Variants in SLC14A2 observed in about 807,000 individuals in gnomAD.
SLC14A2 encodes urea transporter 2.
In SLC14A2, 91 loss-of-function variants were observed where a neutral mutation model predicts 104.6. That is an observed-to-expected ratio of 0.87 (90% CI 0.73 to 1.04). The LOEUF (loss-of-function observed/expected upper bound fraction) is 1.04. SLC14A2 is among the 50% of genes least tolerant of loss of function. The pLI is 0.00. For synonymous variants in SLC14A2, 476 were observed against 466.4 expected (o/e 1.02, Z -0.27); for missense variants, 1,189 against 1,156.0 (o/e 1.03, Z -0.41).
rs991140363 is a variant in SLC14A2, at chr18:45,357,002, G to A, written c.-124-126231G>A. Among the ~76,000 whole-genome samples the A allele has an allele frequency of 3.9e-5, 6 of 152,238 alleles. No individual in the cohort carries two copies. The South Asian group carries it at 6.2e-4, about 16-fold the overall frequency. On this transcript the variant is annotated intron_variant, in intron 1 of 20. Transcript: ENST00000586448. ...GAAGGATGATGCAGCAGGCTTCACT[G>A]GCCTCATCTTCACTGGATTTTGACT...
At chr18:45,592,230 T>A (rs7233619) in intron 2 of SLC14A2, among the ~76,000 whole-genome samples, 1 of 152,098 alleles carries the variant, frequency 6.6e-6, no homozygotes, top group East Asian at 1.9e-4. Flanking sequence ...TCATTTTTTT[T>A]AATGTAAAAT....
chr18:45,628,493 T>TC (rs988667473), intron 4 of SLC14A2, among the ~76,000 whole-genome samples: 1 of 150,694 alleles, frequency 6.6e-6, no homozygotes, highest in African/African-American at 2.4e-5. Flanking sequence ...GGCCCACTCC[T>TC]CCCCCTTCCT....
intron 1 of SLC14A2, among the ~76,000 whole-genome samples, chr18:45,388,304 C>T (rs534522780): frequency 3.9e-5 from 6 of 152,116 alleles, no homozygotes; most frequent in African/African-American, 1.2e-4. Context: ...CCTCGTGATC[C>T]ACCTGCCTTG....
chr18:45,584,037 T>C (rs1341863200), intron 2 of SLC14A2, among the ~76,000 whole-genome samples: 1 of 152,244 alleles, frequency 6.6e-6, no homozygotes, highest in Non-Finnish European at 1.5e-5. Flanking sequence ...ACATTATTGG[T>C]TTCACGTAAA....
At chr18:45,206,257 G>C in the SLC14A2 span, among the ~76,000 whole-genome samples, 1 of 152,248 alleles carries the variant, frequency 6.6e-6, no homozygotes, top group East Asian at 1.9e-4. Context: ...TCCTGAGGTT[G>C]GTGTAGTGGA....
At chr18:45,281,610 C>T (rs982000750) in intron 1 of SLC14A2, among the ~76,000 whole-genome samples, 6 of 152,150 alleles carry the variant, frequency 3.9e-5, no homozygotes, top group Admixed American at 3.9e-4. Flanking sequence ...TCATCATTCT[C>T]TCTCTCCTCT....
intron 1 of SLC14A2, among the ~76,000 whole-genome samples, chr18:45,233,757 C>T (rs1225230841): frequency 2.9e-5 from 4 of 136,962 alleles, no homozygotes; most frequent in East Asian, 2.2e-4. Context: ...CCCCACCCCC[C>T]GCTTCCCCCG....
chr18:45,321,204 A>T (rs1216147614), intron 1 of SLC14A2, among the ~76,000 whole-genome samples: 3 of 152,200 alleles, frequency 2.0e-5, no homozygotes, highest in Non-Finnish European at 4.4e-5. Flanking sequence ...TTGGAATATG[A>T]AGGGGTAGGT....
chr18:45,323,599 C>T (rs185049823), intron 1 of SLC14A2, among the ~76,000 whole-genome samples: 7 of 152,212 alleles, frequency 4.6e-5, no homozygotes, highest in African/African-American at 1.2e-4. Flanking sequence ...TCTAAAATTG[C>T]CGTTTTTGTA....
chr18:45,464,045 A>G (rs1052488022), intron 1 of SLC14A2, among the ~76,000 whole-genome samples: 3 of 152,220 alleles, frequency 2.0e-5, no homozygotes, highest in African/African-American at 7.2e-5. Context: ...CAAGAACGCT[A>G]ACGCCTAACA....
chr18:45,586,833 A>T (rs1014624029), intron 2 of SLC14A2, among the ~76,000 whole-genome samples: 4 of 152,090 alleles, frequency 2.6e-5, no homozygotes, highest in African/African-American at 9.7e-5. Flanking sequence ...ACTGTCAGGG[A>T]TCAGAGGGGG....
chr18:45,597,573 A>G (rs1791152), intron 2 of SLC14A2, among the ~76,000 whole-genome samples: 115,131 of 152,044 alleles, frequency 0.76, 43,947 homozygotes, highest in East Asian at 0.85. Flanking sequence ...AAAAGATGAT[A>G]TCAGAGAAGT....
intron 2 of SLC14A2, among the ~76,000 whole-genome samples, chr18:45,541,455 C>T (rs187649121): frequency 5.3e-5 from 8 of 152,356 alleles, no homozygotes; most frequent in South Asian, 2.1e-4. Context: ...GGCTTACAGA[C>T]GTCAGCTTTG....
intron 1 of SLC14A2, among the ~76,000 whole-genome samples, chr18:45,386,436 A>C (rs764233819): frequency 6.6e-6 from 1 of 152,214 alleles, no homozygotes; most frequent in Non-Finnish European, 1.5e-5. Context: ...AAAGCCAGCC[A>C]TAAGCTTGTA....
At chr18:45,475,657 A>AG (rs372899326) in intron 1 of SLC14A2, among the ~76,000 whole-genome samples, 148 of 64,330 alleles carry the variant, frequency 2.3e-3, no homozygotes, top group East Asian at 0.01. Flanking sequence ...ATATATATAT[A>AG]TATATATATA....
At chr18:45,569,285 G>T (rs2044312715) in intron 2 of SLC14A2, among the ~76,000 whole-genome samples, 1 of 152,076 alleles carries the variant, frequency 6.6e-6, no homozygotes. Context: ...TCTTTCTACT[G>T]GTTTCTCACC....
At chr18:45,677,284 G>A (rs547785456) in intron 18 of SLC14A2, among the ~76,000 whole-genome samples, 2 of 152,342 alleles carry the variant, frequency 1.3e-5, no homozygotes, top group South Asian at 4.1e-4. Context: ...CTTTGGCTCT[G>A]GGTCCCAGGG....
intron 2 of SLC14A2, among the ~76,000 whole-genome samples, chr18:45,575,614 G>T (rs542967322): frequency 6.6e-6 from 1 of 152,146 alleles, no homozygotes; most frequent in Non-Finnish European, 1.5e-5. Context: ...AAAGAACACC[G>T]CATTTTGCTT....
intron 1 of SLC14A2, among the ~76,000 whole-genome samples, chr18:45,393,145 G>A (rs1258369028): frequency 6.6e-6 from 1 of 152,116 alleles, no homozygotes; most frequent in Non-Finnish European, 1.5e-5. Flanking sequence ...TTACAGTAGT[G>A]AACAGAAAGA....
Sources: gnomAD v4.1 joint callset for allele counts (sites outside exome capture counted in the v4.1 genomes callset) on GRCh38, gnomAD v4.1.1 for gene constraint, MANE v1.5 for transcripts, NCBI Gene and HGNC (gene_info 2026-07-23, HGNC 2026-07-21) for gene names.